Variants in ZNF131 observed in about 807,000 individuals in gnomAD.
The protein encoded by ZNF131 is zinc finger protein 131.
ZNF131 carries 7 observed loss-of-function variants against 60.0 expected under a neutral mutation model. That is an observed-to-expected ratio of 0.12 (90% CI 0.07 to 0.22). The LOEUF (loss-of-function observed/expected upper bound fraction) is 0.22. Among genes scored for constraint, ZNF131 ranks in the 10% least tolerant of loss-of-function variants. The probability of loss-of-function intolerance (pLI) is 1.00; values close to 1 mark genes in which losing one functional copy is unlikely to be tolerated. For missense variants in ZNF131, 493 were observed against 740.9 expected, an observed-to-expected ratio of 0.67 and a Z score of 3.88; for synonymous variants, 257 against 253.2, an observed-to-expected ratio of 1.01 and a Z score of -0.14.
Position 43,174,931 on chromosome 5 carries a change from CTG to C in ZNF131, c.1671_1672del (p.Glu558ThrfsTer22). 1 of 1,614,118 alleles carries C rather than the reference CTG, an allele frequency of 6.2e-7. No homozygotes were observed. Among genetic ancestry groups the C allele is most frequent in the Non-Finnish European group, 8.5e-7 (1 of 1,180,034 alleles). ...AATCAAATGCCAGTGGAAGTACAAA[CTG>C]AACTTCTAGAAGCAGATTTGGACCA... On this transcript the variant is annotated frameshift_variant, in exon 7 of 7. Transcript: ENST00000682664. LOFTEE classifies it high-confidence loss of function.
At chr5:43,151,957 T>G (rs1265052254) in intron 4 of ZNF131, among the ~76,000 whole-genome samples, 1 of 152,008 alleles carries the variant, frequency 6.6e-6, no homozygotes, top group African/African-American at 2.4e-5. Flanking sequence ...TAGTTCTAGT[T>G]TTTGGAGAGA....
At chr5:43,169,784 T>C (rs1750757419) in intron 5 of ZNF131, among the ~76,000 whole-genome samples, 1 of 151,758 alleles carries the variant, frequency 6.6e-6, no homozygotes, top group African/African-American at 2.4e-5. Context: ...TCAAAGAATA[T>C]GCACTTTTTT....
intron 2 of ZNF131, 98 bp from the exon 3 acceptor site, chr5:43,123,111 C>A: frequency 1.2e-6 from 1 of 817,298 alleles, no homozygotes; most frequent in Non-Finnish European, 1.9e-6. Context: ...TGAAGGAAGA[C>A]CTATTTTGCT....
rs754072629 is a variant in ZNF131 at position 43,175,037 on chromosome 5, C to T, written c.1776C>T (p.His592=). The stretch of plus-strand genomic sequence containing the variant: ...CTGCTGAGGCTGCCAGGGAAGATCA[C>T]GAAGATGCTGAGGATTTAGAGACCA... The part of the protein sequence containing the change: ...ADAAEAARED[H]EDAEDLETKP... Residue 592 remains histidine, a synonymous_variant, in exon 7 of 7, where the codon CAC becomes CAT. Transcript: ENST00000682664. The T allele has an allele frequency of 8.7e-6, 14 of 1,613,902 alleles. No individual in the cohort carries two copies. The Admixed American group carries it at 1.2e-4, about 13-fold the overall frequency.
intron 5 of ZNF131, among the ~76,000 whole-genome samples, chr5:43,167,009 T>C (rs1750451304): frequency 6.6e-6 from 1 of 152,180 alleles, no homozygotes; most frequent in Non-Finnish European, 1.5e-5. Flanking sequence ...AGGTTATTAA[T>C]TGATCTGATT....
At chr5:43,154,055 G>T (rs1748658335) in intron 4 of ZNF131, among the ~76,000 whole-genome samples, 1 of 152,164 alleles carries the variant, frequency 6.6e-6, no homozygotes, top group South Asian at 2.1e-4. Context: ...TTAGTTTCAA[G>T]AGCCACAGTA....
intron 5 of ZNF131, among the ~76,000 whole-genome samples, chr5:43,162,547 A>G (rs71627584): frequency 0.094 from 13,784 of 146,754 alleles, 717 homozygotes; most frequent in East Asian, 0.18. Flanking sequence ...AGCCGAGATC[A>G]TGCCACTGCA....
rs1031600350 is a variant in ZNF131, at chr5:43,175,070, A to G, written c.1809A>G (p.Thr603=). The G allele has an allele frequency of 3.7e-6, 6 of 1,614,120 alleles. No homozygotes were observed. In the Admixed American group the frequency reaches 8.3e-5, roughly 22 times the overall value. ...EDAEDLETKP[T]VDSEAEKAEN... ...CTGAGGATTTAGAGACCAAGCCAAC[A>G]GTGGATTCTGAAGCAGAAAAGGCAG... Residue 603 remains threonine (T), a synonymous_variant, in exon 7 of 7, where the codon ACA becomes ACG. Transcript: ENST00000682664.
At chr5:43,170,680 T>C (rs1018644365) in intron 5 of ZNF131, among the ~76,000 whole-genome samples, 1 of 150,912 alleles carries the variant, frequency 6.6e-6, no homozygotes, top group African/African-American at 2.4e-5. Context: ...TCACCCAGGC[T>C]GGAGTGCAGT....
chr5:43,141,833 G>A lies in ZNF131; in HGVS notation c.371+2524G>A, dbSNP rs184805671. Among the ~76,000 whole-genome samples, 5 of 151,842 alleles carry A rather than the reference G, an allele frequency of 3.3e-5. No individual in the cohort carries two copies. The East Asian group carries it at 9.7e-4, about 29-fold the overall frequency. On this transcript the variant is annotated intron_variant, in intron 4 of 6. Transcript: ENST00000682664. ...ATCATTGCTTTTCAGTATAAACACA[G>A]TAACATGTTGAATTGTTTCTTGAAC...
At chr5:43,121,854 G>GGCTCCGGTCTCAAC (rs1743874139) in intron 1 of ZNF131, 185 bp from the exon 2 acceptor site, 1 of 512,902 alleles carries the variant, frequency 1.9e-6, no homozygotes, top group Admixed American at 4.1e-5. Context: ...CCGCGGCCGC[G>GGCTCCGGTCTCAAC]GCTCCGGTCT....
intron 3 of ZNF131, among the ~76,000 whole-genome samples, chr5:43,128,171 C>T (rs551419093): frequency 2.6e-4 from 39 of 152,342 alleles, no homozygotes; most frequent in African/African-American, 8.4e-4. Context: ...GTATTCTGCG[C>T]ACTTCTGTTA....
At chr5:43,140,521 ACT>A (rs912803021) in intron 4 of ZNF131, among the ~76,000 whole-genome samples, 3 of 151,922 alleles carry the variant, frequency 2.0e-5, no homozygotes, top group African/African-American at 7.3e-5. Context: ...TGGCTAAATG[ACT>A]CTGAGTACTC....
At position 43,125,842 on chromosome 5, in the gene ZNF131, A is replaced by G. The variant is rs115152694; in HGVS notation, c.226+2532A>G. ...TATTTGTTGCTGGTAGAATGAGCAC[A>G]CATTACCTGGAGAAGTAGAAGTAGA... On this transcript the variant is annotated intron_variant, in intron 3 of 6. Coordinates refer to ENST00000682664, the MANE Select transcript of ZNF131 (RefSeq NM_001330707.2). Among the ~76,000 whole-genome samples the G allele has an allele frequency of 5.3e-3, 803 of 152,258 alleles. 3 individuals carry two copies. The highest frequency in any genetic ancestry group is 0.019 in the African/African-American group (771 of 41,566).
intron 3 of ZNF131, among the ~76,000 whole-genome samples, chr5:43,135,219 T>C (rs1745920034): frequency 6.6e-6 from 1 of 150,428 alleles, no homozygotes; most frequent in South Asian, 2.1e-4. Context: ...GGTCTCGAAC[T>C]CCTGACCTCA....
At chr5:43,163,062 C>G (rs1579879281) in intron 5 of ZNF131, among the ~76,000 whole-genome samples, 1 of 136,660 alleles carries the variant, frequency 7.3e-6, no homozygotes, top group Non-Finnish European at 1.5e-5. Flanking sequence ...ACCTCCGCCT[C>G]CCGGGTTCAA....
chr5:43,146,548 T>C (rs1057053516), intron 4 of ZNF131, among the ~76,000 whole-genome samples: 1 of 152,036 alleles, frequency 6.6e-6, no homozygotes, highest in South Asian at 2.1e-4. Context: ...TGAGCCGAGA[T>C]TGCGCCACTG....
intron 4 of ZNF131, among the ~76,000 whole-genome samples, chr5:43,150,635 C>CA (rs1412062759): frequency 6.6e-6 from 1 of 151,882 alleles, no homozygotes; most frequent in Non-Finnish European, 1.5e-5. Context: ...ACTAAAAATA[C>CA]AAAAAAATTA....
intron 2 of ZNF131, among the ~76,000 whole-genome samples, chr5:43,122,383 C>T (rs934557665): frequency 6.6e-6 from 1 of 151,880 alleles, no homozygotes; most frequent in African/African-American, 2.4e-5. Flanking sequence ...GTTGGTCAGT[C>T]ATGCCTTCCA....
Sources: allele counts gnomAD v4.1 joint callset (sites outside exome capture counted in the v4.1 genomes callset), GRCh38; gene constraint gnomAD v4.1.1; transcripts MANE v1.5; gene names NCBI Gene and HGNC (gene_info 2026-07-23, HGNC 2026-07-21).